The following BBS9 variants were observed in gnomAD, a reference collection of about 807,000 sequenced individuals.
BBS9 encodes protein PTHB1.
BBS9 carries 89 observed loss-of-function variants against 117.7 expected under a neutral mutation model. That is an observed-to-expected ratio of 0.76 (90% confidence interval 0.64 to 0.90). BBS9 has a LOEUF of 0.90. BBS9 is among the 40% of genes least tolerant of loss of function. BBS9 has a pLI of 0.00. For synonymous variants in BBS9, 379 were observed against 370.9 expected, an observed-to-expected ratio of 1.02 and a Z score of -0.25; for missense variants, 982 against 1,042.2, an observed-to-expected ratio of 0.94 and a Z score of 0.80.
In BBS9 at chr7:33,273,820, C is replaced by G. The variant is rs376333670; in HGVS notation, c.887-7C>G. ...TAGTGTCTCTTTTCTGTATTTTCAACTTACAGTTTCTGAAGGAACAATAAA... is the reference window on the plus strand; with the variant it reads ...TAGTGTCTCTTTTCTGTATTTTCAAGTTACAGTTTCTGAAGGAACAATAAA... On this transcript the variant is annotated splice_polypyrimidine_tract_variant and splice_region_variant and intron_variant, in intron 8 of 22. Transcript: ENST00000242067. The G allele has an allele frequency of 3.7e-6, 6 of 1,606,068 alleles. No individual in the cohort carries two copies. Among genetic ancestry groups the G allele is most frequent in the Non-Finnish European group, 5.1e-6 (6 of 1,173,580 alleles).
Position 33,603,439 on chromosome 7 carries a change from C to T in BBS9, c.2522-1426C>T, listed in dbSNP as rs570527306. ...TTGGGCCTCTCCAAAGGTCTCAGCC[C>T]CACCGTGTGACAAGACTGGAGTTCT... On this transcript the variant is annotated intron_variant, in intron 21 of 22. Coordinates refer to ENST00000242067, the MANE Select transcript of BBS9 (RefSeq NM_198428.3). Among the ~76,000 whole-genome samples, 3 of 152,076 alleles carry T rather than the reference C, an allele frequency of 2.0e-5. No homozygotes were observed. In the South Asian group the frequency reaches 6.3e-4, roughly 32 times the overall value.
At chr7:33,577,683 A>C (rs1008615490) in intron 21 of BBS9, among the ~76,000 whole-genome samples, 4 of 152,230 alleles carry the variant, frequency 2.6e-5, no homozygotes, top group African/African-American at 4.8e-5. Flanking sequence ...CTGGATTAAG[A>C]AAATGTGGCA....
At chr7:33,329,756 G>A (rs759392387) in intron 9 of BBS9, among the ~76,000 whole-genome samples, 23 of 152,108 alleles carry the variant, frequency 1.5e-4, no homozygotes, top group African/African-American at 5.1e-4. Flanking sequence ...GTATGTCTCC[G>A]TGTACCTTCT....
intron 19 of BBS9, among the ~76,000 whole-genome samples, chr7:33,414,502 C>A (rs1288283645): frequency 2.0e-5 from 3 of 152,066 alleles, no homozygotes; most frequent in Non-Finnish European, 4.4e-5. Context: ...GAACATTCTC[C>A]TGTCTCTTTG....
chr7:33,302,097 G>A (rs1806589655), intron 9 of BBS9, among the ~76,000 whole-genome samples: 1 of 152,020 alleles, frequency 6.6e-6, no homozygotes, highest in East Asian at 1.9e-4. Context: ...TTCCTATTCA[G>A]ATCTTTTGCC....
At chr7:33,255,908 A>G (rs1796970873) in intron 5 of BBS9, among the ~76,000 whole-genome samples, 1 of 152,230 alleles carries the variant, frequency 6.6e-6, no homozygotes, top group Non-Finnish European at 1.5e-5. Context: ...CTGTAGTCCC[A>G]GCACTTTGGA....
intron 21 of BBS9, 85 bp downstream of exon 21, chr7:33,534,261 A>C: frequency 1.4e-6 from 2 of 1,400,756 alleles, no homozygotes; most frequent in Non-Finnish European, 2.0e-6. Flanking sequence ...TTGGGGTTTA[A>C]ATTTCATATT....
chr7:33,631,942 A>G (rs1433592839), intron 21 of BBS9, among the ~76,000 whole-genome samples: 1 of 152,230 alleles, frequency 6.6e-6, no homozygotes, highest in Non-Finnish European at 1.5e-5. Context: ...GGGGAATCAC[A>G]GAGCTAATTA....
downstream of BBS9, among the ~76,000 whole-genome samples, chr7:33,610,908 A>C (rs763721117): frequency 3.3e-5 from 5 of 152,178 alleles, no homozygotes; most frequent in East Asian, 9.7e-4. Flanking sequence ...GAGATGTTTC[A>C]CCTTATACAT....
intron 19 of BBS9, among the ~76,000 whole-genome samples, chr7:33,453,676 C>T (rs148363048): frequency 1.3e-5 from 2 of 152,206 alleles, no homozygotes; most frequent in East Asian, 3.9e-4. Context: ...CATGCACCAC[C>T]ATGCCCGGCT....
intron 9 of BBS9, among the ~76,000 whole-genome samples, chr7:33,294,307 A>ATCTATCTG (rs1554402411): frequency 1.1e-5 from 1 of 88,164 alleles, no homozygotes; most frequent in African/African-American, 6.0e-5. Context: ...CTATCTATCT[A>ATCTATCTG]TCTATCTATC....
At chr7:33,557,496 A>G in intron 21 of BBS9, among the ~76,000 whole-genome samples, 1 of 151,942 alleles carries the variant, frequency 6.6e-6, no homozygotes, top group Non-Finnish European at 1.5e-5. Flanking sequence ...ATATATTTCA[A>G]TAACTGACAG....
At chr7:33,321,340 A>G (rs1811671160) in intron 9 of BBS9, among the ~76,000 whole-genome samples, 1 of 152,080 alleles carries the variant, frequency 6.6e-6, no homozygotes, top group Non-Finnish European at 1.5e-5. Context: ...CATTTTAACA[A>G]TATTGATTCT....
At chr7:33,455,320 T>C (rs1340976543) in intron 19 of BBS9, among the ~76,000 whole-genome samples, 1 of 152,130 alleles carries the variant, frequency 6.6e-6, no homozygotes, top group Non-Finnish European at 1.5e-5. Context: ...GTCTTTGCTG[T>C]CAGGAAACCT....
chr7:33,513,670 G>A (rs181127015), intron 20 of BBS9, among the ~76,000 whole-genome samples: 1 of 152,178 alleles, frequency 6.6e-6, no homozygotes, highest in Non-Finnish European at 1.5e-5. Flanking sequence ...GATGCTAAAA[G>A]ATATAGATAG....
rs1025272227 is a variant in BBS9, at chr7:33,142,411, T to TA, written c.-11-3825dup. Among the ~76,000 whole-genome samples, 6 of 152,336 alleles carry TA rather than the reference T, an allele frequency of 3.9e-5. No individual in the cohort carries two copies. In the South Asian group the frequency reaches 8.3e-4, roughly 21 times the overall value. On this transcript the variant is annotated intron_variant, in intron 1 of 22. Transcript: ENST00000242067. ...AAGTGGTCTACTGTATTCCTTTTTG[T>TA]AAAAAACTAAAACTGTATATTTTTT... is the stretch of plus-strand genomic sequence containing the variant.
At chr7:33,138,552 A>G (rs1479155692) in intron 1 of BBS9, among the ~76,000 whole-genome samples, 1 of 145,522 alleles carries the variant, frequency 6.9e-6, no homozygotes, top group African/African-American at 2.4e-5. Flanking sequence ...GCAAGGGACC[A>G]AACTCTGTGA....
intron 21 of BBS9, among the ~76,000 whole-genome samples, chr7:33,575,150 C>T (rs1858584507): frequency 1.3e-5 from 2 of 152,054 alleles, no homozygotes; most frequent in South Asian, 4.2e-4. Context: ...AAAGATATTC[C>T]AACCTCTCCC....
intron 21 of BBS9, among the ~76,000 whole-genome samples, chr7:33,550,053 C>G (rs933835257): frequency 1.1e-5 from 1 of 90,312 alleles, no homozygotes; most frequent in African/African-American, 5.9e-5. Flanking sequence ...ATTCATATAA[C>G]AATTTTTTTT....
Sources: gnomAD v4.1 joint callset for allele counts (sites outside exome capture counted in the v4.1 genomes callset) on GRCh38, gnomAD v4.1.1 for gene constraint, MANE v1.5 for transcripts, NCBI Gene and HGNC (gene_info 2026-07-23, HGNC 2026-07-21) for gene names.